The following NCAPG2 variants were observed in gnomAD, a reference collection of about 807,000 sequenced individuals.
NCAPG2 encodes condensin-2 complex subunit G2.
In NCAPG2, 53 loss-of-function variants were observed where a neutral mutation model predicts 141.1. The observed-to-expected ratio is 0.38, with a 90% CI of 0.30 to 0.47. The LOEUF is 0.47. Ranked by LOEUF, NCAPG2 falls within the 20% of genes least tolerant of loss-of-function variation. The pLI is 0.99. For synonymous variants in NCAPG2, 499 were observed against 490.7 expected, an observed-to-expected ratio of 1.02 and a Z score of -0.22; for missense variants, 1,087 against 1,389.0, an observed-to-expected ratio of 0.78 and a Z score of 3.46.
chr7:158,664,372 A>G (rs983865418), intron 14 of NCAPG2, 76 bp from the exon 15 acceptor site: 1 of 1,518,630 alleles, frequency 6.6e-7, no homozygotes, highest in African/African-American at 1.4e-5. Flanking sequence ...GTGAAATTAT[A>G]ATCCCAATTA....
chr7:158,692,458 A>G (rs751415578), intron 4 of NCAPG2, among the ~76,000 whole-genome samples: 9 of 152,242 alleles, frequency 5.9e-5, no homozygotes, highest in Non-Finnish European at 7.3e-5. Flanking sequence ...CATGAAAACA[A>G]CTAGTTTCCT....
At chr7:158,673,530 C>T (rs964774725) in intron 12 of NCAPG2, among the ~76,000 whole-genome samples, 4 of 152,206 alleles carry the variant, frequency 2.6e-5, no homozygotes, top group African/African-American at 9.7e-5. Flanking sequence ...TGGGTCTGCA[C>T]GAGGCTTTCC....
intron 24 of NCAPG2, among the ~76,000 whole-genome samples, chr7:158,647,879 C>T (rs1587088982): frequency 6.6e-6 from 1 of 152,008 alleles, no homozygotes; most frequent in Non-Finnish European, 1.5e-5. Flanking sequence ...GAGGCAGGGT[C>T]GCACCATGTT....
chr7:158,667,302 CA>C (rs1833061024), intron 13 of NCAPG2: 4 of 615,994 alleles, frequency 6.5e-6, no homozygotes, highest in African/African-American at 2.0e-5. Flanking sequence ...GTCCCTCCTC[CA>C]CCCTTAGCCG....
In NCAPG2 at chr7:158,652,635, A is replaced by G. The variant is rs1434392523; in HGVS notation, c.2747-155T>C. ...GCCAATACCAAAAGCCAGGTTGATC[A>G]GGTTAACCTAAATTCTAACCAAAAT... On this transcript the variant is annotated intron_variant, in intron 22 of 27. Coordinates refer to ENST00000356309, the MANE Select transcript of NCAPG2 (RefSeq NM_017760.7). Among the ~76,000 whole-genome samples the G allele has an allele frequency of 4.6e-5, 7 of 152,274 alleles. 1 individual carries two copies. Among genetic ancestry groups the G allele is most frequent in the African/African-American group, 1.7e-4 (7 of 41,478 alleles).
chr7:158,680,123 G>C, intron 10 of NCAPG2, 38 bp from the exon 11 acceptor site: 4 of 1,601,300 alleles, frequency 2.5e-6, no homozygotes, highest in Non-Finnish European at 3.4e-6. Flanking sequence ...GAATCCCAAA[G>C]AGTTAACATA....
chr7:158,639,252 T>C (rs1830482273), intron 27 of NCAPG2, among the ~76,000 whole-genome samples: 1 of 152,018 alleles, frequency 6.6e-6, no homozygotes, highest in African/African-American at 2.4e-5. Context: ...GGACCACAGG[T>C]GAGTGCCACA....
At chr7:158,644,707 T>G (rs1195336739) in intron 26 of NCAPG2, among the ~76,000 whole-genome samples, 4 of 152,140 alleles carry the variant, frequency 2.6e-5, no homozygotes, top group African/African-American at 9.7e-5. Context: ...TAGTTAAGGA[T>G]GTATTAAGGG....
At chr7:158,679,932 A>G (rs1483779511) in intron 11 of NCAPG2, 28 bp downstream of exon 11, 1 of 1,611,414 alleles carries the variant, frequency 6.2e-7, no homozygotes, top group African/African-American at 1.3e-5. Flanking sequence ...TGATATCTGT[A>G]AGAAGCTTGA....
intron 27 of NCAPG2, among the ~76,000 whole-genome samples, chr7:158,642,825 A>G (rs1164548242): frequency 6.6e-6 from 1 of 152,220 alleles, no homozygotes; most frequent in African/African-American, 2.4e-5. Flanking sequence ...AAACGAAACC[A>G]AAAGCTAGTT....
chr7:158,695,063 G>A (rs192695592), intron 2 of NCAPG2, among the ~76,000 whole-genome samples: 5 of 152,194 alleles, frequency 3.3e-5, no homozygotes, highest in South Asian at 2.1e-4. Context: ...TTAATGGCCC[G>A]CTTAAGTCCA....
intron 27 of NCAPG2, among the ~76,000 whole-genome samples, chr7:158,642,565 G>A (rs1256449996): frequency 6.9e-6 from 1 of 145,978 alleles, no homozygotes; most frequent in Non-Finnish European, 1.5e-5. Flanking sequence ...CTGATGGGAA[G>A]AAAAAGGACA....
At chr7:158,672,328 ATTTTTTTTTTTTTTT>A (rs869090702) in intron 12 of NCAPG2, among the ~76,000 whole-genome samples, 2 of 32,240 alleles carry the variant, frequency 6.2e-5, no homozygotes, top group Non-Finnish European at 1.1e-4. Flanking sequence ...ATATATATAT[ATTTTTTTTTTTTTTT>A]TTTTTTTTTT....
chr7:158,658,485 C>A, intron 16 of NCAPG2, 77 bp from the exon 17 acceptor site: 1 of 1,302,568 alleles, frequency 7.7e-7, no homozygotes, highest in South Asian at 1.7e-5. Flanking sequence ...ACGTAAATTC[C>A]TGATAACTTA....
intron 27 of NCAPG2, among the ~76,000 whole-genome samples, chr7:158,638,343 A>G (rs957671366): frequency 3.3e-5 from 5 of 152,156 alleles, no homozygotes; most frequent in African/African-American, 1.2e-4. Flanking sequence ...CACCTCAAGC[A>G]ATCCTCCCAC....
At position 158,693,549 on chromosome 7, in the gene NCAPG2, T is replaced by C. The variant is rs776316053; in HGVS notation, c.79-52A>G. 16 of 1,467,208 alleles carry C rather than the reference T, an allele frequency of 1.1e-5. No homozygotes were observed. In the African/African-American group the frequency reaches 2.1e-4, roughly 19 times the overall value. The allele number at this position is 1,467,208 out of a possible 1,614,324, so 90.9% of individuals were successfully genotyped here. A position where few individuals can be genotyped will look rare whatever the true frequency, so the allele number is the denominator to read the frequency against. ...TTTCAAATACAAAAAATTAATCATA[T>C]CCTTTTCATAATGTCATCAAAAGAA... On this transcript the variant is annotated intron_variant, in intron 2 of 27. Transcript: ENST00000356309.
In NCAPG2 at chr7:158,662,063, C is replaced by A. The variant is rs1832554298; in HGVS notation, c.1989+131G>T. ...AAGAAACTATACTGCAAGGTAAACA[C>A]TAATCCAACCCTCTCATTTTACAGA... On this transcript the variant is annotated intron_variant, in intron 16 of 27. Transcript: ENST00000356309. 1.0e-5 allele frequency: 9 copies of A among 879,476 alleles called. No individual in the cohort carries two copies. The South Asian group carries it at 2.1e-4, about 20-fold the overall frequency. 54.5% of individuals were successfully genotyped at this position (879,476 alleles called of 1,614,324 possible). A position where few individuals can be genotyped will look rare whatever the true frequency, so the allele number is the denominator to read the frequency against.
chr7:158,697,089 T>C (rs368880881), intron 2 of NCAPG2, among the ~76,000 whole-genome samples: 1 of 152,196 alleles, frequency 6.6e-6, no homozygotes, highest in Admixed American at 6.5e-5. Context: ...TTTAAGTTAA[T>C]TGTAAACTAG....
rs771548663 is a variant in NCAPG2, at chr7:158,664,480, T to C, written c.1702+48A>G. On this transcript the variant is annotated intron_variant, in intron 14 of 27. Transcript: ENST00000356309. ...CTGAACTCTGTAATTTGTATTATGCTTTTGGGGGAAAACATAACAAGAACT... is the reference window on the plus strand; with the variant it reads ...CTGAACTCTGTAATTTGTATTATGCCTTTGGGGGAAAACATAACAAGAACT... The C allele has an allele frequency of 1.9e-6, 3 of 1,587,876 alleles. No homozygotes were observed. In the Admixed American group the frequency reaches 5.1e-5, roughly 27 times the overall value.
Sources: allele counts gnomAD v4.1 joint callset (sites outside exome capture counted in the v4.1 genomes callset), GRCh38; gene constraint gnomAD v4.1.1; transcripts MANE v1.5; gene names NCBI Gene and HGNC (gene_info 2026-07-23, HGNC 2026-07-21).